The following ZNF404 variants were observed in gnomAD, a reference collection of about 807,000 sequenced individuals.
The protein encoded by ZNF404 is zinc finger protein 404.
In ZNF404, 7 loss-of-function variants were observed where a neutral mutation model predicts 7.3. That is an observed-to-expected ratio of 0.95 (90% CI 0.54 to 1.79). ZNF404 has a LOEUF of 1.79. Ranked by LOEUF, ZNF404 falls within the 40% of genes most tolerant of loss-of-function variation. The pLI is 0.00. For missense variants in ZNF404, 560 were observed against 661.5 expected (o/e 0.85, Z 1.68); for synonymous variants, 191 against 209.9 (o/e 0.91, Z 0.78).
rs191837291 is a variant in ZNF404, at chr19:43,880,662, T to A, written c.10-526A>T. Among the ~76,000 whole-genome samples, 276 of 152,200 alleles carry A rather than the reference T, an allele frequency of 1.8e-3. 2 individuals are homozygous for A. The highest frequency in any genetic ancestry group is 6.5e-3 in the African/African-American group (270 of 41,544). On this transcript the variant is annotated intron_variant, in intron 1 of 2. Coordinates refer to ENST00000587539, the MANE Select transcript of ZNF404 (RefSeq NM_001033719.3). Reference sequence around the variant, plus strand: ...CCATGGTTTTCAAGACAGAAAACATTGCGCAATGATACCTGAAAGACAAGT... The same window carrying A: ...CCATGGTTTTCAAGACAGAAAACATAGCGCAATGATACCTGAAAGACAAGT...
chr19:43,873,741 G>C lies in ZNF404; in HGVS notation c.473C>G (p.Pro158Arg). 6.2e-7 allele frequency: 1 copy of C among 1,605,452 alleles called. No homozygotes were observed. Among genetic ancestry groups the C allele is most frequent in the Non-Finnish European group, 8.5e-7 (1 of 1,179,556 alleles). The change falls in exon 3 of 3, where the codon CCC (proline) becomes CGC (arginine). Residue 158 changes from proline (P) to arginine (R), a missense_variant. Physicochemically the swap from Pro to Arg is moderately radical, Grantham distance 103. Transcript: ENST00000587539. ...EHLRDHTGVI[P>R]YECNECGKAF... Reference sequence around the variant, plus strand: ...TTTTCCACATTCATTACATTCATAGGGTATCACACCAGTATGGTCTCTCAG... The same window carrying C: ...TTTTCCACATTCATTACATTCATAGCGTATCACACCAGTATGGTCTCTCAG...
In ZNF404 at chr19:43,872,917, G is replaced by T; in HGVS notation, c.1297C>A (p.His433Asn). 1 of 1,607,968 alleles carries T rather than the reference G, an allele frequency of 6.2e-7. No homozygotes were observed. Among genetic ancestry groups the T allele is most frequent in the Non-Finnish European group, 8.5e-7 (1 of 1,176,592 alleles). ...VGDLKTHQSI[H>N]AGEKPYECKE... Reference sequence around the variant, plus strand: ...CATTCATAGGGTTTCTCCCCAGCATGAATTGATTGATGTGTCTTAAGGTCT... The same window carrying T: ...CATTCATAGGGTTTCTCCCCAGCATTAATTGATTGATGTGTCTTAAGGTCT... The change falls in exon 3 of 3, where the codon CAT (histidine) becomes AAT (asparagine). Residue 433 changes from histidine to asparagine, a missense_variant. Coordinates refer to ENST00000587539, the MANE Select transcript of ZNF404 (RefSeq NM_001033719.3). This position sits in a 1 kb window ranked among gnomAD's most constrained non-coding sequence, Gnocchi z 4.4.
intron 2 of ZNF404, among the ~76,000 whole-genome samples, chr19:43,877,766 A>G (rs1363852027): frequency 7.8e-6 from 1 of 128,932 alleles, no homozygotes; most frequent in Non-Finnish European, 1.6e-5. Context: ...CCAGAGTGTG[A>G]TGTTCCCCTT....
intron 2 of ZNF404, among the ~76,000 whole-genome samples, chr19:43,877,169 TACC>T (rs1027337990): frequency 1.8e-4 from 28 of 152,210 alleles, no homozygotes; most frequent in African/African-American, 6.3e-4. Flanking sequence ...GAACCTGTGG[TACC>T]ACATTTGTAA....
intron 1 of ZNF404, among the ~76,000 whole-genome samples, chr19:43,882,465 C>T (rs2146622572): frequency 6.6e-6 from 1 of 152,074 alleles, no homozygotes. Flanking sequence ...GATACAACAC[C>T]AACAGTACAA....
chr19:43,877,829 C>T (rs1205558036), intron 2 of ZNF404, among the ~76,000 whole-genome samples: 4 of 149,930 alleles, frequency 2.7e-5, no homozygotes, highest in Non-Finnish European at 4.4e-5. Flanking sequence ...TGAGAATATG[C>T]GGTGTTTGGT....
At chr19:43,881,530 C>T (rs772208739) in intron 1 of ZNF404, 1 of 152,068 alleles carries the variant, frequency 6.6e-6, no homozygotes, top group Non-Finnish European at 1.5e-5. Flanking sequence ...AATACTAATA[C>T]TCTCATAACT....
intron 2 of ZNF404, among the ~76,000 whole-genome samples, chr19:43,876,106 TTG>T (rs1321322345): frequency 2.0e-5 from 3 of 152,132 alleles, no homozygotes; most frequent in Admixed American, 1.3e-4. Context: ...GGCAGATTGT[TTG>T]AGGCCAAGAG....
intron 2 of ZNF404, 74 bp downstream of exon 2, chr19:43,879,936 C>T: frequency 1.3e-6 from 2 of 1,567,602 alleles, no homozygotes; most frequent in Non-Finnish European, 1.8e-6. Flanking sequence ...TTGGCATAGA[C>T]CATAAAATAT....
rs758930025 is a variant in ZNF404 at position 43,880,017 on chromosome 19, G to A, written c.129C>T (p.Val43=). The change falls in exon 2 of 3, where the codon GTC becomes GTT. Residue 43 remains valine, a synonymous_variant. Coordinates refer to ENST00000587539, the MANE Select transcript of ZNF404 (RefSeq NM_001033719.3). ...TTGTGCAGATATTCTTACCCAATGA[G>A]ACCAAGTTAGTATAATTCTCCAACA... ...DVMLENYTNL[V]SLDFNFTTES... 3.7e-6 allele frequency: 6 copies of A among 1,613,554 alleles called. No individual in the cohort carries two copies. Among genetic ancestry groups the A allele is most frequent in the Non-Finnish European group, 5.1e-6 (6 of 1,179,616 alleles).
intron 2 of ZNF404, among the ~76,000 whole-genome samples, chr19:43,876,618 TG>T (rs1971851615): frequency 6.6e-6 from 1 of 152,112 alleles, no homozygotes; most frequent in Admixed American, 6.6e-5. Context: ...TTATCAAAAG[TG>T]ACACCAGCTA....
intron 2 of ZNF404, among the ~76,000 whole-genome samples, chr19:43,877,753 TC>T (rs1380904110): frequency 8.7e-6 from 1 of 114,564 alleles, no homozygotes; most frequent in Non-Finnish European, 1.7e-5. Flanking sequence ...CCCACAACAG[TC>T]CCCAGAGTGT....
At position 43,873,289 on chromosome 19, in the gene ZNF404, C is replaced by G; in HGVS notation, c.925G>C (p.Val309Leu). ...TGTTCAACAAGTAGATAGCTGCGAA[C>G]AAAGGCCTTTTCACATTGTTCACAT... ...YKCEQCEKAF[V>L]RSYLLVEHQR... Residue 309 changes from valine (V) to leucine (L), a missense_variant, in exon 3 of 3, where the codon GTT (valine) becomes CTT (leucine). Coordinates refer to ENST00000587539, the MANE Select transcript of ZNF404 (RefSeq NM_001033719.3). 3.7e-6 allele frequency: 6 copies of G among 1,613,544 alleles called. No homozygotes were observed. Among genetic ancestry groups the G allele is most frequent in the Non-Finnish European group, 5.1e-6 (6 of 1,179,692 alleles).
At chr19:43,878,045 G>A (rs1189607320) in intron 2 of ZNF404, among the ~76,000 whole-genome samples, 5 of 126,492 alleles carry the variant, frequency 4.0e-5, no homozygotes, top group South Asian at 3.0e-4. Context: ...ATAAACATAC[G>A]TGTGCATGTG....
chr19:43,880,138 T>C lies in ZNF404; in HGVS notation c.10-2A>G, dbSNP rs760790680. 3.2e-5 allele frequency: 51 copies of C among 1,607,812 alleles called. No individual in the cohort carries two copies. Reference sequence around the variant, plus strand: ...AACATCGCTGAATGTCAATGGCACCTGAAATGACAAACCTGTGTATTATTT... The same window carrying C: ...AACATCGCTGAATGTCAATGGCACCCGAAATGACAAACCTGTGTATTATTT... On this transcript the variant is annotated splice_acceptor_variant, in intron 1 of 2. Coordinates refer to ENST00000587539, the MANE Select transcript of ZNF404 (RefSeq NM_001033719.3). LOFTEE classifies it high-confidence loss of function.
Position 43,872,774 on chromosome 19 carries a change from TGA to T in ZNF404, c.1438_1439del (p.Ser480ArgfsTer6). 6.2e-7 allele frequency: 1 copy of T among 1,612,028 alleles called. No individual in the cohort carries two copies. Among genetic ancestry groups the T allele is most frequent in the Non-Finnish European group, 8.5e-7 (1 of 1,178,848 alleles). ...GAATTCTCTTATGTTGAGAAAGACC[TGA>T]GATAGAACGAAAGGCCTTCTTACAT... Reference protein sequence around the residue: ...KECKKAFRSISGLSQHKRIHT... With the variant: ...KECKKAFRSIXGLSQHKRIHT... On this transcript the variant is annotated frameshift_variant, in exon 3 of 3. Coordinates refer to ENST00000587539, the MANE Select transcript of ZNF404 (RefSeq NM_001033719.3). LOFTEE classifies it low-confidence loss of function (END_TRUNC). This position sits in a 1 kb window ranked among gnomAD's most constrained non-coding sequence, Gnocchi z 4.4.
rs1971852653 is a variant in ZNF404, at chr19:43,876,781, T to C, written c.137-2704A>G. Among the ~76,000 whole-genome samples the C allele has an allele frequency of 3.3e-5, 5 of 152,182 alleles. No homozygotes were observed. The South Asian group carries it at 1.0e-3, about 32-fold the overall frequency. ...CTGATATCATGTATTTCTGATACAA[T>C]ATGATGAGAAAGCTACTTCTCTGGT... On this transcript the variant is annotated intron_variant, in intron 2 of 2. Transcript: ENST00000587539.
intron 1 of ZNF404, 99 bp from the exon 2 acceptor site, chr19:43,880,235 G>T: frequency 9.5e-7 from 1 of 1,048,110 alleles, no homozygotes; most frequent in Non-Finnish European, 1.4e-6. Context: ...AAAAGAAGTA[G>T]TCTAGAGTTA....
chr19:43,875,589 G>C (rs1004357850), intron 2 of ZNF404, among the ~76,000 whole-genome samples: 1 of 152,204 alleles, frequency 6.6e-6, no homozygotes, highest in Non-Finnish European at 1.5e-5. Context: ...TGAGTGCCTA[G>C]TAGTTTGCAA....
Sources: gnomAD v4.1 joint callset for allele counts (sites outside exome capture counted in the v4.1 genomes callset) on GRCh38, gnomAD v4.1.1 for gene constraint, Gnocchi (gnomAD v3.1) non-coding constraint, MANE v1.5 for transcripts, NCBI Gene and HGNC (gene_info 2026-07-23, HGNC 2026-07-21) for gene names.